ASXL3: variants seen among roughly 807,000 people sequenced by gnomAD.
ASXL3 encodes putative Polycomb group protein ASXL3.
Under a neutral mutation model 170.6 loss-of-function variants are expected in ASXL3, and 34 were observed. That is an observed-to-expected ratio of 0.20 (90% CI 0.15 to 0.27). The LOEUF is 0.27. ASXL3 is among the 10% of genes least tolerant of loss of function. The pLI is 1.00. For synonymous variants in ASXL3, 1,002 were observed against 989.1 expected (o/e 1.01, Z -0.24); for missense variants, 2,592 against 2,695.3 (o/e 0.96, Z 0.85).
chr18:33,731,498 C>T (rs548018264), intron 8 of ASXL3, among the ~76,000 whole-genome samples: 13 of 152,262 alleles, frequency 8.5e-5, no homozygotes, highest in Admixed American at 5.2e-4. Context: ...CTCTTAGACT[C>T]TCATGCGGCT....
chr18:33,739,595 G>A lies in ASXL3; in HGVS notation c.2191G>A (p.Val731Met). 1 of 1,613,976 alleles carries A rather than the reference G, an allele frequency of 6.2e-7. No homozygotes were observed. Residue 731 changes from valine to methionine, a missense_variant, in exon 11 of 12, where the codon GTG (valine) becomes ATG (methionine). Val to Met is a conservative substitution (Grantham distance 21). This residue lies in a region of ASXL3 where 2,246 missense variants were observed against 2,219.6 expected (regional missense o/e 1.01). Coordinates refer to ENST00000269197, the MANE Select transcript of ASXL3 (RefSeq NM_030632.3). The part of the protein sequence containing the change: ...DLPLTSETSS[V>M]SSMLLTSETT... ...ACCTTTAACATCAGAAACTTCTTCA[G>A]TGTCTTCCATGCTTCTCACCTCTGA...
At chr18:33,616,927 T>C (rs902564881) in intron 2 of ASXL3, among the ~76,000 whole-genome samples, 1 of 152,100 alleles carries the variant, frequency 6.6e-6, no homozygotes, top group African/African-American at 2.4e-5. Context: ...CATCTTCAAA[T>C]GCAGATACAC....
intron 8 of ASXL3, among the ~76,000 whole-genome samples, chr18:33,684,132 A>T (rs1164101840): frequency 2.0e-5 from 3 of 152,150 alleles, no homozygotes; most frequent in African/African-American, 7.2e-5. Flanking sequence ...ACAAATATAG[A>T]CCCATAATGG....
chr18:33,713,545 G>A (rs1211904225), intron 8 of ASXL3, among the ~76,000 whole-genome samples: 4 of 152,006 alleles, frequency 2.6e-5, no homozygotes, highest in African/African-American at 4.8e-5. Flanking sequence ...GTGAGCCACC[G>A]TGCCCGGCCT....
intron 2 of ASXL3, among the ~76,000 whole-genome samples, chr18:33,627,384 A>G (rs893894964): frequency 3.3e-5 from 5 of 152,176 alleles, no homozygotes; most frequent in African/African-American, 1.2e-4. Flanking sequence ...TCTCTGTCTG[A>G]ATTAACAGTT....
chr18:33,621,584 TG>T (rs1429360375), intron 2 of ASXL3, among the ~76,000 whole-genome samples: 1 of 152,134 alleles, frequency 6.6e-6, no homozygotes, highest in Non-Finnish European at 1.5e-5. Context: ...GGCTTCTTGT[TG>T]CCACCAGGAC....
At chr18:33,658,431 G>A (rs765042937) in intron 4 of ASXL3, among the ~76,000 whole-genome samples, 2 of 152,010 alleles carry the variant, frequency 1.3e-5, no homozygotes, top group African/African-American at 2.4e-5. Flanking sequence ...CACGTCATAC[G>A]CATGGAAAAA....
intron 8 of ASXL3, among the ~76,000 whole-genome samples, chr18:33,721,921 TA>T (rs2067267384): frequency 6.6e-6 from 1 of 152,048 alleles, no homozygotes; most frequent in Non-Finnish European, 1.5e-5. Flanking sequence ...ATTCTCATAA[TA>T]TTTCAAGCAT....
intron 4 of ASXL3, among the ~76,000 whole-genome samples, chr18:33,654,316 T>G (rs2066048292): frequency 6.6e-6 from 1 of 152,080 alleles, no homozygotes; most frequent in Non-Finnish European, 1.5e-5. Context: ...GCCAATTTTC[T>G]GTTTGATTTA....
At chr18:33,695,250 A>G (rs966038404) in intron 8 of ASXL3, among the ~76,000 whole-genome samples, 5 of 152,230 alleles carry the variant, frequency 3.3e-5, no homozygotes, top group Admixed American at 3.3e-4. Flanking sequence ...GTGTGTTTGA[A>G]ATGTAATTAT....
rs775890559 is a variant in ASXL3 at position 33,729,897 on chromosome 18, C to T, written c.880-2071C>T. ...AAGAGATGTCCCAGGGAATCCCCAGCGTTCCCAACACCCTTCTGTCCATCC... is the reference window on the plus strand; with the variant it reads ...AAGAGATGTCCCAGGGAATCCCCAGTGTTCCCAACACCCTTCTGTCCATCC... On this transcript the variant is annotated intron_variant, in intron 8 of 11. Coordinates refer to ENST00000269197, the MANE Select transcript of ASXL3 (RefSeq NM_030632.3). Among the ~76,000 whole-genome samples the T allele has an allele frequency of 8.5e-5, 13 of 152,222 alleles. No individual in the cohort carries two copies. In the South Asian group the frequency reaches 1.5e-3, roughly 17 times the overall value.
At chr18:33,658,458 T>A (rs2066116971) in intron 4 of ASXL3, among the ~76,000 whole-genome samples, 1 of 152,120 alleles carries the variant, frequency 6.6e-6, no homozygotes, top group East Asian at 1.9e-4. Context: ...ATAAAGCAAG[T>A]CAAATGCCCA....
intron 1 of ASXL3, among the ~76,000 whole-genome samples, chr18:33,601,799 T>A (rs1412701615): frequency 3.5e-5 from 2 of 57,658 alleles, no homozygotes; most frequent in Non-Finnish European, 8.4e-5. Context: ...ATATATAGTT[T>A]GTTTGTTTTG....
intron 8 of ASXL3, among the ~76,000 whole-genome samples, chr18:33,695,693 A>G (rs2066763001): frequency 6.6e-6 from 1 of 152,158 alleles, no homozygotes; most frequent in Admixed American, 6.6e-5. Flanking sequence ...GTTAATAGAG[A>G]AACACAAAAT....
At chr18:33,599,292 T>C (rs1270487017) in intron 1 of ASXL3, among the ~76,000 whole-genome samples, 3 of 152,206 alleles carry the variant, frequency 2.0e-5, no homozygotes, top group African/African-American at 7.2e-5. Flanking sequence ...TCATTTGATA[T>C]AAGTCTGTTT....
chr18:33,729,558 C>T (rs970658667), intron 8 of ASXL3, among the ~76,000 whole-genome samples: 2 of 152,028 alleles, frequency 1.3e-5, no homozygotes, highest in East Asian at 1.9e-4. Flanking sequence ...TTGTGCTTCA[C>T]GTTAAGCTCC....
intron 2 of ASXL3, among the ~76,000 whole-genome samples, chr18:33,629,292 A>G (rs933659750): frequency 3.3e-5 from 5 of 152,164 alleles, no homozygotes; most frequent in Admixed American, 6.6e-5. Context: ...TATTTCCTGA[A>G]AGCTTTAAGT....
At chr18:33,742,800 T>A in intron 11 of ASXL3, 88 bp from the exon 12 acceptor site, 1 of 1,459,150 alleles carries the variant, frequency 6.9e-7, no homozygotes, top group Non-Finnish European at 9.1e-7. Context: ...ATGCAGCTAG[T>A]CTTTTCCCTT....
chr18:33,668,723 T>G (rs2066296707), intron 5 of ASXL3, among the ~76,000 whole-genome samples: 1 of 152,160 alleles, frequency 6.6e-6, no homozygotes, highest in African/African-American at 2.4e-5. Context: ...TTACTAATTT[T>G]TCTATAGCAG....
Sources: gnomAD v4.1 joint callset for allele counts (sites outside exome capture counted in the v4.1 genomes callset) on GRCh38, gnomAD v4.1.1 for gene constraint, gnomAD v4.1.1 regional missense constraint, MANE v1.5 for transcripts, NCBI Gene and HGNC (gene_info 2026-07-23, HGNC 2026-07-21) for gene names.